Variants in CAT observed in about 807,000 individuals in gnomAD.
CAT encodes the protein catalase.
Under a neutral mutation model 59.0 loss-of-function variants are expected in CAT, and 43 were observed. That is an observed-to-expected ratio of 0.73 (90% CI 0.57 to 0.94). The LOEUF (loss-of-function observed/expected upper bound fraction) is 0.94. Ranked by LOEUF, CAT falls within the 40% of genes least tolerant of loss-of-function variation. The pLI is 0.00. For synonymous variants in CAT, 218 were observed against 230.9 expected, an observed-to-expected ratio of 0.94 and a Z score of 0.51; for missense variants, 664 against 682.9, an observed-to-expected ratio of 0.97 and a Z score of 0.31.
In CAT at chr11:34,456,111, C is replaced by T. The variant is rs751477286; in HGVS notation, c.812C>T (p.Thr271Ile). The T allele has an allele frequency of 3.1e-6, 5 of 1,614,062 alleles. No homozygotes were observed. In the Admixed American group the frequency reaches 6.7e-5, roughly 22 times the overall value. ...CGGGATCTTTTTAACGCCATTGCCA[C>T]AGGAAAGTACCCCTCCTGGACTTTT... Reference protein sequence around the residue: ...GIRDLFNAIATGKYPSWTFYI... With the variant: ...GIRDLFNAIAIGKYPSWTFYI... Residue 271 changes from threonine (T) to isoleucine (I), a missense_variant, in exon 7 of 13, where the codon ACA becomes ATA. Transcript: ENST00000241052.
At chr11:34,455,117 TA>T (rs1856574187) in intron 6 of CAT, among the ~76,000 whole-genome samples, 1 of 152,254 alleles carries the variant, frequency 6.6e-6, no homozygotes, top group Non-Finnish European at 1.5e-5. Flanking sequence ...TTGTACTACT[TA>T]ATATATTAGC....
At chr11:34,454,174 A>G (rs796766287) in intron 6 of CAT, among the ~76,000 whole-genome samples, 10 of 152,234 alleles carry the variant, frequency 6.6e-5, no homozygotes, top group African/African-American at 2.4e-4. Flanking sequence ...ATTTCTTTTA[A>G]CTTTTTAAGT....
intron 2 of CAT, 144 bp from the exon 3 acceptor site, chr11:34,450,844 G>A: frequency 1.3e-6 from 1 of 757,896 alleles, no homozygotes; most frequent in East Asian, 2.4e-5. Flanking sequence ...TTGTGTTTGG[G>A]CATTTCCCCT....
chr11:34,466,560 G>A (rs557933874), intron 10 of CAT, among the ~76,000 whole-genome samples: 13 of 151,884 alleles, frequency 8.6e-5, no homozygotes, highest in Middle Eastern at 3.4e-3. Context: ...GGCGGATCAC[G>A]AGGTCAGGAG....
rs937872337 is a variant in CAT, at chr11:34,452,353, G to T, written c.480+146G>T. ...ACTACTTTTTTCAACACATTTTTCT[G>T]TATTTAATAAGATAAAGTAAGAACA... On this transcript the variant is annotated intron_variant, in intron 4 of 12. Coordinates refer to ENST00000241052, the MANE Select transcript of CAT (RefSeq NM_001752.4). 7 of 717,332 alleles carry T rather than the reference G, an allele frequency of 9.8e-6. No individual in the cohort carries two copies. In the Admixed American group the frequency reaches 1.2e-4, roughly 12 times the overall value. The allele number at this position is 717,332 out of a possible 1,614,324, so 44.4% of individuals were successfully genotyped here. A position where few individuals can be genotyped will look rare whatever the true frequency, so the allele number is the denominator to read the frequency against.
At chr11:34,447,541 T>C (rs1856472541) in intron 1 of CAT, among the ~76,000 whole-genome samples, 1 of 151,996 alleles carries the variant, frequency 6.6e-6, no homozygotes. Context: ...TGTGACTGGG[T>C]GGTAAGTGTT....
intron 1 of CAT, among the ~76,000 whole-genome samples, chr11:34,441,610 A>G (rs1006000755): frequency 1.3e-5 from 2 of 152,114 alleles, no homozygotes; most frequent in Admixed American, 1.3e-4. Flanking sequence ...CCTAAGCAAC[A>G]TGGTGAAAAC....
intron 1 of CAT, among the ~76,000 whole-genome samples, chr11:34,440,142 T>C (rs989197417): frequency 3.9e-5 from 6 of 152,188 alleles, no homozygotes; most frequent in African/African-American, 1.4e-4. Flanking sequence ...TGCAGCCCTG[T>C]TTTCCCTATT....
intron 10 of CAT, among the ~76,000 whole-genome samples, chr11:34,464,761 T>C (rs548375754): frequency 7.2e-5 from 11 of 152,152 alleles, no homozygotes; most frequent in African/African-American, 2.7e-4. Flanking sequence ...CCTATCTGCG[T>C]CAGAGCTTCT....
At chr11:34,440,649 G>A (rs568360223) in intron 1 of CAT, among the ~76,000 whole-genome samples, 18 of 149,918 alleles carry the variant, frequency 1.2e-4, no homozygotes, top group South Asian at 4.2e-4. Context: ...TGCAAACTCC[G>A]CCTCCCGGAT....
intron 10 of CAT, 127 bp from the exon 11 acceptor site, chr11:34,468,161 A>C: frequency 1.3e-6 from 1 of 768,784 alleles, no homozygotes; most frequent in Non-Finnish European, 2.3e-6. Context: ...CCAAATTTAA[A>C]ATTTAAAATT....
chr11:34,467,873 TTATC>T (rs1181161965), intron 10 of CAT, among the ~76,000 whole-genome samples: 3 of 152,168 alleles, frequency 2.0e-5, no homozygotes, highest in African/African-American at 4.8e-5. Flanking sequence ...ATAGATATAA[TTATC>T]TATATATCAA....
chr11:34,470,121 A>G (rs1255671545), intron 11 of CAT, among the ~76,000 whole-genome samples: 1 of 152,140 alleles, frequency 6.6e-6, no homozygotes, highest in Non-Finnish European at 1.5e-5. Flanking sequence ...TAGATAACAA[A>G]TGAGGTACCC....
chr11:34,470,776 C>T (rs779421888), intron 11 of CAT, 182 bp from the exon 12 acceptor site: 9 of 693,780 alleles, frequency 1.3e-5, no homozygotes, highest in Middle Eastern at 3.5e-4. Flanking sequence ...CAGTATATGT[C>T]AGAGTGTTCA....
chr11:34,446,510 A>G (rs1856456820), intron 1 of CAT, among the ~76,000 whole-genome samples: 1 of 152,090 alleles, frequency 6.6e-6, no homozygotes, highest in African/African-American at 2.4e-5. Context: ...TACTTTATTC[A>G]TTTATCCAAC....
intron 9 of CAT, among the ~76,000 whole-genome samples, chr11:34,463,042 T>C (rs1856668277): frequency 1.3e-5 from 2 of 152,204 alleles, no homozygotes; most frequent in Non-Finnish European, 2.9e-5. Flanking sequence ...TTGATGAATG[T>C]CATACATAGG....
chr11:34,455,372 T>C (rs150602770), intron 6 of CAT, among the ~76,000 whole-genome samples: 17 of 152,294 alleles, frequency 1.1e-4, no homozygotes, highest in Non-Finnish European at 1.6e-4. Context: ...TATGATATGA[T>C]AACAGGAGCA....
chr11:34,471,649 T>A lies in CAT; in HGVS notation c.*216T>A, dbSNP rs1856774743. ...ATTTAACAGTCATTTAAAAAAAAAATTTGTTTTGACGGATGATTGGATTAT... is the reference window on the plus strand; with the variant it reads ...ATTTAACAGTCATTTAAAAAAAAAAATTGTTTTGACGGATGATTGGATTAT... On this transcript the variant is annotated 3_prime_UTR_variant, in exon 13 of 13. Coordinates refer to ENST00000241052, the MANE Select transcript of CAT (RefSeq NM_001752.4). 10 of 553,392 alleles carry A rather than the reference T, an allele frequency of 1.8e-5. No homozygotes were observed. The highest frequency in any genetic ancestry group is 2.3e-5 in the Non-Finnish European group (7 of 308,330). The allele number at this position is 553,392 out of a possible 1,614,324, so 34.3% of individuals were successfully genotyped here. A position where few individuals can be genotyped will look rare whatever the true frequency, so the allele number is the denominator to read the frequency against.
At chr11:34,468,563 T>C (rs1856744123) in intron 11 of CAT, 168 bp downstream of exon 11, 2 of 652,960 alleles carry the variant, frequency 3.1e-6, no homozygotes, top group South Asian at 3.5e-5. Context: ...TTATTTTCTT[T>C]CCATGTTTTA....
Sources: gnomAD v4.1 joint callset for allele counts (sites outside exome capture counted in the v4.1 genomes callset) on GRCh38, gnomAD v4.1.1 for gene constraint, MANE v1.5 for transcripts, NCBI Gene and HGNC (gene_info 2026-07-23, HGNC 2026-07-21) for gene names.